Variants in FAR1 observed in about 807,000 individuals in gnomAD.
FAR1 encodes the protein fatty acyl-CoA reductase 1, also known as male sterility domain-containing protein 2.
FAR1 carries 22 observed loss-of-function variants against 61.1 expected under a neutral mutation model. The ratio of observed to expected loss-of-function variants is 0.36; its 90% confidence interval spans 0.26 to 0.51. The LOEUF is 0.51. Ranked by LOEUF, FAR1 falls within the 20% of genes least tolerant of loss-of-function variation. FAR1 has a pLI of 0.95. For synonymous variants in FAR1, 206 were observed against 209.7 expected (o/e 0.98, Z 0.15); for missense variants, 359 against 626.9 (o/e 0.57, Z 4.56).
intron 1 of FAR1, among the ~76,000 whole-genome samples, chr11:13,674,050 G>A (rs1468303300): frequency 6.6e-6 from 1 of 152,086 alleles, no homozygotes; most frequent in Admixed American, 6.6e-5. Flanking sequence ...GGTGGCTCAC[G>A]CCTGTAATCC....
chr11:13,679,244 T>C (rs924874306), intron 1 of FAR1, among the ~76,000 whole-genome samples: 2 of 152,158 alleles, frequency 1.3e-5, no homozygotes, highest in African/African-American at 4.8e-5. Flanking sequence ...CTGAAAGTGT[T>C]AGGATTAAAA....
At chr11:13,671,059 T>G (rs185024121) in intron 1 of FAR1, among the ~76,000 whole-genome samples, 5 of 152,200 alleles carry the variant, frequency 3.3e-5, no homozygotes, top group African/African-American at 1.2e-4. Flanking sequence ...AGAAACAATT[T>G]TGTGAAAGCG....
intron 1 of FAR1, among the ~76,000 whole-genome samples, chr11:13,690,247 T>C (rs1323314026): frequency 6.6e-6 from 1 of 152,106 alleles, no homozygotes; most frequent in African/African-American, 2.4e-5. Context: ...CATTTTTCTA[T>C]TGGTTTATCT....
chr11:13,688,522 A>G (rs1210136592), intron 1 of FAR1, among the ~76,000 whole-genome samples: 1 of 152,132 alleles, frequency 6.6e-6, no homozygotes, highest in Admixed American at 6.5e-5. Flanking sequence ...CCAGGCTCTA[A>G]TTTCTCAATT....
chr11:13,686,317 G>T (rs1028296763), intron 1 of FAR1, among the ~76,000 whole-genome samples: 1 of 151,874 alleles, frequency 6.6e-6, no homozygotes, highest in African/African-American at 2.4e-5. Flanking sequence ...ATTCTACCTG[G>T]CTGACCCATG....
intron 1 of FAR1, among the ~76,000 whole-genome samples, chr11:13,680,427 A>C (rs1591255124): frequency 6.6e-6 from 1 of 152,118 alleles, no homozygotes; most frequent in South Asian, 2.1e-4. Flanking sequence ...AGTCTGTCTT[A>C]GTCCATTTGT....
rs1439625968 is a variant in FAR1 at position 13,713,391 on chromosome 11, T to C, written c.955+358T>C. Among the ~76,000 whole-genome samples, 3 of 152,200 alleles carry C rather than the reference T, an allele frequency of 2.0e-5. No individual in the cohort carries two copies. In the East Asian group the frequency reaches 5.8e-4, roughly 29 times the overall value. ...TGATGTTGCCTATCCATAGGCAGTA[T>C]CACTTCTTACAAGAGGTGGTATATC... On this transcript the variant is annotated intron_variant, in intron 8 of 11. Coordinates refer to ENST00000354817, the MANE Select transcript of FAR1 (RefSeq NM_032228.6).
chr11:13,690,987 T>C (rs1001924796), intron 1 of FAR1, among the ~76,000 whole-genome samples: 2 of 152,232 alleles, frequency 1.3e-5, no homozygotes, highest in African/African-American at 2.4e-5. Flanking sequence ...GAGATTCACA[T>C]AATATAAAAT....
chr11:13,694,854 TG>T lies in FAR1; in HGVS notation c.90del (p.Leu30PhefsTer2). The T allele has an allele frequency of 6.2e-7, 1 of 1,614,078 alleles. No homozygotes were observed. Among genetic ancestry groups the T allele is most frequent in the Non-Finnish European group, 8.5e-7 (1 of 1,179,946 alleles). On this transcript the variant is annotated frameshift_variant, in exon 2 of 12. Transcript: ENST00000354817. LOFTEE classifies it high-confidence loss of function. ...GFLGKVLLEKLLRSCPKVNSV... is the reference protein window; with the variant it reads ...GFLGKVLLEKXLRSCPKVNSV... ...CTAGGGAAGGTGCTTCTGGAAAAGT[TG>T]CTGAGGTCTTGTCCTAAGGTGAATT...
intron 11 of FAR1, 39 bp from the exon 12 acceptor site, chr11:13,728,573 G>C: frequency 6.4e-7 from 1 of 1,561,686 alleles, no homozygotes; most frequent in Non-Finnish European, 8.7e-7. Context: ...TTTTTTTCTA[G>C]AAAATACTGT....
At chr11:13,693,568 G>C (rs1469194675) in intron 1 of FAR1, among the ~76,000 whole-genome samples, 1 of 142,774 alleles carries the variant, frequency 7.0e-6, no homozygotes, top group East Asian at 2.2e-4. Flanking sequence ...CTGCTGTTCT[G>C]TGAGCAATCT....
chr11:13,701,216 G>C (rs1167160017), intron 3 of FAR1, among the ~76,000 whole-genome samples: 1 of 151,752 alleles, frequency 6.6e-6, no homozygotes, highest in Admixed American at 6.6e-5. Context: ...AGGTTTCAAA[G>C]CTACTTGAAA....
chr11:13,672,080 A>G (rs1330528905), intron 1 of FAR1, among the ~76,000 whole-genome samples: 3 of 152,190 alleles, frequency 2.0e-5, no homozygotes, highest in Admixed American at 6.5e-5. Flanking sequence ...TAAGTAAGTA[A>G]AAAAGTAATG....
intron 5 of FAR1, 77 bp downstream of exon 5, chr11:13,710,947 G>A: frequency 7.7e-7 from 1 of 1,291,318 alleles, no homozygotes; most frequent in Non-Finnish European, 1.1e-6. Context: ...AGAGCTGGCA[G>A]TTCTTTAAGA....
chr11:13,686,650 G>A (rs1032356805), intron 1 of FAR1: 10 of 152,100 alleles, frequency 6.6e-5, no homozygotes, highest in East Asian at 1.9e-4. Flanking sequence ...CACTATCTTC[G>A]GACCAGCTTT....
intron 1 of FAR1, among the ~76,000 whole-genome samples, chr11:13,687,749 T>C (rs1370541551): frequency 1.3e-5 from 2 of 152,254 alleles, no homozygotes; most frequent in East Asian, 1.9e-4. Context: ...GCTTGTCATA[T>C]ACACCATGGA....
chr11:13,696,594 A>T (rs1848307999), intron 2 of FAR1, among the ~76,000 whole-genome samples: 1 of 152,196 alleles, frequency 6.6e-6, no homozygotes, highest in Non-Finnish European at 1.5e-5. Context: ...TAGCCTGAAC[A>T]TACAGCTATT....
chr11:13,673,832 G>A (rs1383380439), intron 1 of FAR1, among the ~76,000 whole-genome samples: 1 of 152,194 alleles, frequency 6.6e-6, no homozygotes, highest in African/African-American at 2.4e-5. Context: ...GCATATGCCT[G>A]TAGTTTTCAC....
In FAR1 at chr11:13,694,889, G is replaced by A. The variant is rs777503835; in HGVS notation, c.124G>A (p.Val42Ile). 1.9e-6 allele frequency: 3 copies of A among 1,613,950 alleles called. No homozygotes were observed. In the Admixed American group the frequency reaches 5.0e-5, roughly 27 times the overall value. The change falls in exon 2 of 12, where the codon GTT (valine) becomes ATT (isoleucine). Residue 42 changes from valine (V) to isoleucine (I), a missense_variant. By Grantham distance (29) the Val-to-Ile change is conservative. Coordinates refer to ENST00000354817, the MANE Select transcript of FAR1 (RefSeq NM_032228.6). ...TTGTCCTAAGGTGAATTCAGTATAT[G>A]TTTTGGTGAGGCAGAAAGCTGGACA... The part of the protein sequence containing the change: ...RSCPKVNSVY[V>I]LVRQKAGQTP...
Sources: gnomAD v4.1 joint callset for allele counts (sites outside exome capture counted in the v4.1 genomes callset) on GRCh38, gnomAD v4.1.1 for gene constraint, MANE v1.5 for transcripts, NCBI Gene and HGNC (gene_info 2026-07-23, HGNC 2026-07-21) for gene names.